ZFYVE28: variants seen among roughly 807,000 people sequenced by gnomAD.
ZFYVE28 encodes the protein lateral signaling target protein 2 homolog.
In ZFYVE28, 40 loss-of-function variants were observed where a neutral mutation model predicts 82.1. That is an observed-to-expected ratio of 0.49 (90% confidence interval 0.38 to 0.63). The LOEUF (loss-of-function observed/expected upper bound fraction) is 0.63. Among genes scored for constraint, ZFYVE28 ranks in the 30% least tolerant of loss-of-function variants. The pLI is 0.00. For synonymous variants in ZFYVE28, 612 were observed against 546.1 expected, an observed-to-expected ratio of 1.12 and a Z score of -1.68; for missense variants, 1,321 against 1,242.1, an observed-to-expected ratio of 1.06 and a Z score of -0.96.
chr4:2,310,869 G>C (rs894401167), intron 7 of ZFYVE28, among the ~76,000 whole-genome samples: 1 of 152,022 alleles, frequency 6.6e-6, no homozygotes, highest in Non-Finnish European at 1.5e-5. Context: ...TATAAGATTT[G>C]TGTTATTTCT....
rs1722850224 is a variant in ZFYVE28, at chr4:2,341,760, C to T, written c.181-145G>A. ...GGAGGCTAGGCACGGTGGCTCATGCCTATAATGCCAGCACTTTGGGAGGCC... is the reference window on the plus strand; with the variant it reads ...GGAGGCTAGGCACGGTGGCTCATGCTTATAATGCCAGCACTTTGGGAGGCC... On this transcript the variant is annotated intron_variant, in intron 2 of 12. Coordinates refer to ENST00000290974, the MANE Select transcript of ZFYVE28 (RefSeq NM_020972.3). The surrounding 1 kb of genome is among the most constrained non-coding windows in gnomAD (Gnocchi z 4.5). 8.2e-7 allele frequency: 1 copy of T among 1,217,238 alleles called. No individual in the cohort carries two copies. The highest frequency in any genetic ancestry group is 1.1e-6 in the Non-Finnish European group (1 of 883,622). The allele number at this position is 1,217,238 out of a possible 1,614,324, so 75.4% of individuals were successfully genotyped here.
intron 8 of ZFYVE28, among the ~76,000 whole-genome samples, chr4:2,277,446 C>A (rs1560128493): frequency 6.6e-6 from 1 of 152,054 alleles, no homozygotes; most frequent in Non-Finnish European, 1.5e-5. Flanking sequence ...TGCCACTGCA[C>A]TCCAGCCTGG....
chr4:2,364,731 G>A lies in ZFYVE28; in HGVS notation c.40-10658C>T, dbSNP rs189792505. The A allele has an allele frequency of 3.3e-3, 3,221 of 985,516 alleles. 11 individuals carry two copies. The highest frequency in any genetic ancestry group is 6.1e-3 in the Admixed American group (100 of 16,294). 61.0% of individuals were successfully genotyped at this position (985,516 alleles called of 1,614,324 possible). On this transcript the variant is annotated intron_variant, in intron 1 of 12. Transcript: ENST00000290974. The stretch of plus-strand genomic sequence containing the variant: ...GTCAGGGGTGACAGTGGTGGACGCA[G>A]GTGATGAGCATAACGTTGTGCATTC...
At chr4:2,281,011 C>G (rs1711887690) in intron 8 of ZFYVE28, among the ~76,000 whole-genome samples, 1 of 152,212 alleles carries the variant, frequency 6.6e-6, no homozygotes, top group East Asian at 1.9e-4. Context: ...GCCGATTGCC[C>G]ACGGGTAGGT....
chr4:2,284,292 G>A (rs767369903), intron 8 of ZFYVE28, among the ~76,000 whole-genome samples: 1 of 152,148 alleles, frequency 6.6e-6, no homozygotes, highest in Non-Finnish European at 1.5e-5. Context: ...CGTGACCACG[G>A]CTCACTGTAA....
intron 8 of ZFYVE28, among the ~76,000 whole-genome samples, chr4:2,294,951 A>C (rs1419465074): frequency 2.7e-5 from 3 of 109,166 alleles, no homozygotes; most frequent in Admixed American, 9.8e-5. Context: ...CCCTGTCTCT[A>C]AAAAATTACT....
At chr4:2,412,651 TCAC>T (rs1279018139) in intron 1 of ZFYVE28, among the ~76,000 whole-genome samples, 1 of 152,170 alleles carries the variant, frequency 6.6e-6, no homozygotes, top group African/African-American at 2.4e-5. Flanking sequence ...TCACCATTAT[TCAC>T]CTTTGCACCC....
chr4:2,322,579 G>A lies in ZFYVE28; in HGVS notation c.702-2308C>T, dbSNP rs575127526. 2.0e-5 allele frequency among the ~76,000 whole-genome samples: 3 copies of A among 152,302 alleles called. No individual in the cohort carries two copies. The South Asian group carries it at 6.2e-4, about 32-fold the overall frequency. On this transcript the variant is annotated intron_variant, in intron 6 of 12. Coordinates refer to ENST00000290974, the MANE Select transcript of ZFYVE28 (RefSeq NM_020972.3). ...GCTGGGCCCTGCTGGAAGTGGGGGTGGCCAGTCTTCCCTTTTCTTTTTTCA... is the reference window on the plus strand; with the variant it reads ...GCTGGGCCCTGCTGGAAGTGGGGGTAGCCAGTCTTCCCTTTTCTTTTTTCA...
At chr4:2,358,241 G>A (rs1725626100) in intron 1 of ZFYVE28, among the ~76,000 whole-genome samples, 1 of 152,218 alleles carries the variant, frequency 6.6e-6, no homozygotes. Context: ...GTACATGCAT[G>A]TGCGTCCATG....
At chr4:2,365,296 G>A (rs1160793091) in intron 1 of ZFYVE28, among the ~76,000 whole-genome samples, 2 of 152,078 alleles carry the variant, frequency 1.3e-5, no homozygotes, top group Non-Finnish European at 2.9e-5. Context: ...CGTGAGGAGG[G>A]GCCGCGCGGC....
chr4:2,301,290 G>A (rs748717329), intron 8 of ZFYVE28, among the ~76,000 whole-genome samples: 14 of 152,210 alleles, frequency 9.2e-5, no homozygotes, highest in Non-Finnish European at 2.1e-4. Context: ...CACACCGCCT[G>A]TGCCTTGGAT....
intron 2 of ZFYVE28, chr4:2,343,141 G>C (rs888882975): frequency 6.6e-6 from 1 of 152,132 alleles, no homozygotes; most frequent in Non-Finnish European, 1.5e-5. Flanking sequence ...ACGCAATGCT[G>C]CCCTCACTAC....
At chr4:2,277,057 G>T (rs1444839365) in intron 8 of ZFYVE28, among the ~76,000 whole-genome samples, 4 of 152,240 alleles carry the variant, frequency 2.6e-5, no homozygotes, top group African/African-American at 7.2e-5. Context: ...CAAGTACATG[G>T]CAGAAGGCCG....
intron 1 of ZFYVE28, among the ~76,000 whole-genome samples, chr4:2,361,293 T>C (rs921955464): frequency 2.0e-5 from 3 of 152,100 alleles, no homozygotes; most frequent in Admixed American, 1.3e-4. Flanking sequence ...AATACAAGGA[T>C]GGACTGACTC....
rs1234373812 is a variant in ZFYVE28 at position 2,332,684 on chromosome 4, C to T, written c.701+3021G>A. On this transcript the variant is annotated intron_variant, in intron 6 of 12. Transcript: ENST00000290974. This position sits in a 1 kb window ranked among gnomAD's most constrained non-coding sequence, Gnocchi z 4.7. ...TGGCCTCTGCCTGTCCGGCTCAAAG[C>T]GGTCGCTGTGGATGACGAGGAACAA... Among the ~76,000 whole-genome samples, 1 of 152,178 alleles carries T rather than the reference C, an allele frequency of 6.6e-6. No individual in the cohort carries two copies. The highest frequency in any genetic ancestry group is 1.5e-5 in the Non-Finnish European group (1 of 68,024).
rs1722378517 is a variant in ZFYVE28, at chr4:2,339,381, G to A, written c.521+72C>T. The A allele has an allele frequency of 9.3e-6, 14 of 1,513,460 alleles. No homozygotes were observed. In the Admixed American group the frequency reaches 2.2e-4, roughly 24 times the overall value. 93.8% of individuals were successfully genotyped at this position (1,513,460 alleles called of 1,614,324 possible). A position where few individuals can be genotyped will look rare whatever the true frequency, so the allele number is the denominator to read the frequency against. On this transcript the variant is annotated intron_variant, in intron 4 of 12. Transcript: ENST00000290974. This position sits in a 1 kb window ranked among gnomAD's most constrained non-coding sequence, Gnocchi z 5.0. The stretch of plus-strand genomic sequence containing the variant: ...GAATTTTCCAGCTTGAAGTATCAGG[G>A]TGAGCCCCGGAAGCTGGCACAACCG...
Position 2,305,496 on chromosome 4 carries a change from G to T in ZFYVE28, c.844C>A (p.Leu282Met). 6.2e-7 allele frequency: 1 copy of T among 1,612,996 alleles called. No individual in the cohort carries two copies. The highest frequency in any genetic ancestry group is 1.1e-5 in the South Asian group (1 of 91,090). ...QTLTEEELHT[L>M]ERNLCISQDV... Reference sequence around the variant, plus strand: ...TGGGAAATGCAGAGGTTCCGTTCCAGCGTGTGCAGCTCCTCCTCCGTCAGC... The same window carrying T: ...TGGGAAATGCAGAGGTTCCGTTCCATCGTGTGCAGCTCCTCCTCCGTCAGC... Residue 282 changes from leucine (L) to methionine (M), a missense_variant, in exon 8 of 13, where the codon CTG becomes ATG. Physicochemically the swap from Leu to Met is conservative, Grantham distance 15 (BLOSUM62 2). This residue lies in a region of ZFYVE28 where 343 missense variants were observed against 408.4 expected (regional missense o/e 0.84). Coordinates refer to ENST00000290974, the MANE Select transcript of ZFYVE28 (RefSeq NM_020972.3).
At chr4:2,351,693 G>A (rs920964597) in intron 2 of ZFYVE28, among the ~76,000 whole-genome samples, 13 of 152,110 alleles carry the variant, frequency 8.5e-5, no homozygotes, top group Middle Eastern at 3.2e-3. Flanking sequence ...CAGCCTGGGC[G>A]AGAGAGTGAG....
At chr4:2,360,787 A>G (rs1358502642) in intron 1 of ZFYVE28, among the ~76,000 whole-genome samples, 1 of 152,136 alleles carries the variant, frequency 6.6e-6, no homozygotes, top group African/African-American at 2.4e-5. Context: ...CCTACTCATC[A>G]CTTAGTGTTA....
Sources: gnomAD v4.1 joint callset for allele counts (sites outside exome capture counted in the v4.1 genomes callset) on GRCh38, gnomAD v4.1.1 for gene constraint, gnomAD v4.1.1 regional missense constraint, Gnocchi (gnomAD v3.1) non-coding constraint, MANE v1.5 for transcripts, NCBI Gene and HGNC (gene_info 2026-07-23, HGNC 2026-07-21) for gene names.